Variants in FER1L6 observed in about 807,000 individuals in gnomAD.
FER1L6 encodes the protein fer-1-like protein 6.
Under a neutral mutation model 219.2 loss-of-function variants are expected in FER1L6, and 177 were observed. The observed-to-expected ratio is 0.81, with a 90% CI of 0.71 to 0.91. FER1L6 has a LOEUF of 0.91. Among genes scored for constraint, FER1L6 ranks in the 40% least tolerant of loss-of-function variants. FER1L6 has a pLI of 0.00. For missense variants in FER1L6, 2,153 were observed against 2,259.9 expected, an observed-to-expected ratio of 0.95 and a Z score of 0.96; for synonymous variants, 768 against 824.3, an observed-to-expected ratio of 0.93 and a Z score of 1.17.
chr8:124,077,198 T>A (rs570263225), intron 32 of FER1L6, among the ~76,000 whole-genome samples: 1 of 152,210 alleles, frequency 6.6e-6, no homozygotes, highest in South Asian at 2.1e-4. Flanking sequence ...GACACCTGAC[T>A]CTCATATTCC....
chr8:124,086,187 G>C (rs767610791), intron 33 of FER1L6, among the ~76,000 whole-genome samples: 11 of 151,844 alleles, frequency 7.2e-5, no homozygotes, highest in African/African-American at 2.7e-4. Flanking sequence ...GATTGGAGAG[G>C]TTAGTCCGTT....
chr8:124,094,296 T>C (rs1586329253), intron 34 of FER1L6, among the ~76,000 whole-genome samples: 1 of 152,118 alleles, frequency 6.6e-6, no homozygotes, highest in East Asian at 1.9e-4. Flanking sequence ...TTATGATCTG[T>C]AGATCTTTAG....
rs1178970615 is a variant in FER1L6, at chr8:124,040,385, T to C, written c.2589+379T>C. On this transcript the variant is annotated intron_variant, in intron 20 of 40. Coordinates refer to ENST00000522917, the MANE Select transcript of FER1L6 (RefSeq NM_001039112.2). ...TCCAATCATTATGAAGGGGTCTCAGTGGGGAGAAACATTTTCCAGTTTTGT... is the reference window on the plus strand; with the variant it reads ...TCCAATCATTATGAAGGGGTCTCAGCGGGGAGAAACATTTTCCAGTTTTGT... The C allele has an allele frequency of 2.1e-5, 5 of 233,100 alleles. No individual in the cohort carries two copies. The South Asian group carries it at 3.4e-4, about 16-fold the overall frequency. The allele number at this position is 233,100 out of a possible 1,614,324, so 14.4% of individuals were successfully genotyped here. A position where few individuals can be genotyped will look rare whatever the true frequency, so the allele number is the denominator to read the frequency against.
chr8:123,877,724 G>A (rs1161176647), intron 1 of FER1L6, among the ~76,000 whole-genome samples: 2 of 145,514 alleles, frequency 1.4e-5, no homozygotes, highest in Non-Finnish European at 3.0e-5. Context: ...ATATGTATGT[G>A]AAATACGCTT....
Position 123,977,616 on chromosome 8 carries a change from T to C in FER1L6, c.1063+7T>C. ...GAACAGGATGGAGACAAAGGTAAAG[T>C]CCCATCCATCTGACTTGAAAAATGT... On this transcript the variant is annotated splice_region_variant and intron_variant, in intron 10 of 40. Coordinates refer to ENST00000522917, the MANE Select transcript of FER1L6 (RefSeq NM_001039112.2). The C allele has an allele frequency of 6.2e-7, 1 of 1,612,762 alleles. No homozygotes were observed. The highest frequency in any genetic ancestry group is 8.5e-7 in the Non-Finnish European group (1 of 1,178,990).
chr8:123,940,529 G>C (rs1814196730), intron 1 of FER1L6, among the ~76,000 whole-genome samples: 1 of 152,060 alleles, frequency 6.6e-6, no homozygotes. Context: ...GTAGAGACGG[G>C]GTTTTGCCAT....
intron 27 of FER1L6, among the ~76,000 whole-genome samples, chr8:124,067,427 T>C (rs1371709147): frequency 1.3e-5 from 2 of 152,194 alleles, no homozygotes; most frequent in Non-Finnish European, 2.9e-5. Flanking sequence ...CAACTCATGG[T>C]GCAGATGAGG....
Position 124,064,576 on chromosome 8 carries a change from C to T in FER1L6, c.3555+3C>T, listed in dbSNP as rs1820743537. ...CACCAAAAGATGGAAAACCTAAGGTCAGACTAAAATCCCTCTCTATATTTA... is the reference window on the plus strand; with the variant it reads ...CACCAAAAGATGGAAAACCTAAGGTTAGACTAAAATCCCTCTCTATATTTA... On this transcript the variant is annotated splice_donor_region_variant and intron_variant, in intron 26 of 40. Transcript: ENST00000522917. 1.2e-6 allele frequency: 2 copies of T among 1,610,038 alleles called. No homozygotes were observed. The highest frequency in any genetic ancestry group is 2.2e-5 in the East Asian group (1 of 44,812).
At chr8:123,998,033 G>A (rs1203591904) in intron 12 of FER1L6, among the ~76,000 whole-genome samples, 1 of 152,120 alleles carries the variant, frequency 6.6e-6, no homozygotes, top group East Asian at 1.9e-4. Context: ...TGCCTGGTGA[G>A]CTCATGTTTT....
chr8:123,888,494 G>C (rs1391243369), intron 1 of FER1L6, among the ~76,000 whole-genome samples: 7 of 152,152 alleles, frequency 4.6e-5, no homozygotes, highest in Non-Finnish European at 1.0e-4. Flanking sequence ...AAAGTGGGAT[G>C]GAGTTTCATG....
At chr8:123,941,449 G>A (rs932676492) in intron 1 of FER1L6, among the ~76,000 whole-genome samples, 6 of 152,184 alleles carry the variant, frequency 3.9e-5, no homozygotes, top group Admixed American at 3.3e-4. Context: ...TTCCAGTCGA[G>A]TCACTGAAGG....
chr8:123,929,156 A>G (rs1563690467), intron 1 of FER1L6, among the ~76,000 whole-genome samples: 1 of 152,176 alleles, frequency 6.6e-6, no homozygotes, highest in Non-Finnish European at 1.5e-5. Flanking sequence ...AACAAAGAAT[A>G]TGGTCTTACT....
intron 1 of FER1L6, among the ~76,000 whole-genome samples, chr8:123,916,611 T>A (rs1451955660): frequency 6.6e-6 from 1 of 152,156 alleles, no homozygotes; most frequent in Non-Finnish European, 1.5e-5. Flanking sequence ...CTGCTTTGAG[T>A]GAAGAGAGAA....
Position 123,975,749 on chromosome 8 carries a change from T to C in FER1L6, c.684-149T>C, listed in dbSNP as rs1816039454. 7.6e-6 allele frequency: 5 copies of C among 654,828 alleles called. No homozygotes were observed. The East Asian group carries it at 1.1e-4, about 14-fold the overall frequency. The allele number at this position is 654,828 out of a possible 1,614,324, so 40.6% of individuals were successfully genotyped here. ...ATACCATTCTCTGTCATTTACACTATAAAGAAAACTCATTTCAGCAATGAA... is the reference window on the plus strand; with the variant it reads ...ATACCATTCTCTGTCATTTACACTACAAAGAAAACTCATTTCAGCAATGAA... On this transcript the variant is annotated intron_variant, in intron 8 of 40. Coordinates refer to ENST00000522917, the MANE Select transcript of FER1L6 (RefSeq NM_001039112.2).
chr8:124,107,637 G>T (rs1429886040), intron 39 of FER1L6, among the ~76,000 whole-genome samples: 1 of 152,162 alleles, frequency 6.6e-6, no homozygotes, highest in Admixed American at 6.5e-5. Context: ...AGGTATGTCA[G>T]GTTATTATAG....
At chr8:123,940,698 T>C (rs1459327943) in intron 1 of FER1L6, among the ~76,000 whole-genome samples, 1 of 152,216 alleles carries the variant, frequency 6.6e-6, no homozygotes, top group Non-Finnish European at 1.5e-5. Flanking sequence ...AAAATAATTC[T>C]GATGTTAATT....
chr8:123,961,329 A>C (rs1450741315), intron 2 of FER1L6, among the ~76,000 whole-genome samples: 1 of 152,198 alleles, frequency 6.6e-6, no homozygotes, highest in Non-Finnish European at 1.5e-5. Context: ...CAGAATCTGC[A>C]TTTTAGCAGC....
chr8:124,049,062 CTTTTTTT>C (rs1819870670), intron 21 of FER1L6, among the ~76,000 whole-genome samples: 1 of 148,290 alleles, frequency 6.7e-6, no homozygotes, highest in African/African-American at 2.5e-5. Context: ...TTTCTTTTTT[CTTTTTTT>C]GAGACATCTC....
chr8:123,864,520 G>T (rs1161310440), intron 1 of FER1L6, among the ~76,000 whole-genome samples: 1 of 149,604 alleles, frequency 6.7e-6, no homozygotes, highest in Non-Finnish European at 1.5e-5. Flanking sequence ...GAATCTGAAC[G>T]TTGGCCTGCC....
Sources: allele counts gnomAD v4.1 joint callset (sites outside exome capture counted in the v4.1 genomes callset), GRCh38; gene constraint gnomAD v4.1.1; transcripts MANE v1.5; gene names NCBI Gene and HGNC (gene_info 2026-07-23, HGNC 2026-07-21).